PRELID2: variants seen among roughly 807,000 people sequenced by gnomAD.
PRELID2 encodes PRELI domain-containing protein 2.
In PRELID2, 25 loss-of-function variants were observed where a neutral mutation model predicts 28.4. The ratio of observed to expected loss-of-function variants is 0.88; its 90% CI spans 0.64 to 1.23. PRELID2 has a LOEUF of 1.23. Among genes scored for constraint, PRELID2 ranks in the 50% most tolerant of loss-of-function variants. The probability of loss-of-function intolerance (pLI) is 0.00; values close to 1 mark genes in which losing one functional copy is unlikely to be tolerated. For synonymous variants in PRELID2, 76 were observed against 71.6 expected, an observed-to-expected ratio of 1.06 and a Z score of -0.31; for missense variants, 201 against 214.4, an observed-to-expected ratio of 0.94 and a Z score of 0.39.
the PRELID2 span, among the ~76,000 whole-genome samples, chr5:145,316,539 C>G: frequency 6.6e-6 from 1 of 152,100 alleles, no homozygotes; most frequent in South Asian, 2.1e-4. Flanking sequence ...GAATAGAAAC[C>G]TGATGCAGAA....
At chr5:145,275,877 T>G in the PRELID2 span, among the ~76,000 whole-genome samples, 2 of 152,166 alleles carry the variant, frequency 1.3e-5, no homozygotes, top group Non-Finnish European at 2.9e-5. Context: ...TGTATCATCA[T>G]CCTCAACTCT....
At chr5:145,748,854 G>A (rs1757058796) in intron 1 of PRELID2, among the ~76,000 whole-genome samples, 1 of 152,072 alleles carries the variant, frequency 6.6e-6, no homozygotes, top group Admixed American at 6.5e-5. Context: ...TGACAAACCT[G>A]ACAAAAACAA....
the PRELID2 span, among the ~76,000 whole-genome samples, chr5:145,230,216 T>G: frequency 6.6e-6 from 1 of 152,092 alleles, no homozygotes; most frequent in Non-Finnish European, 1.5e-5. Context: ...CCAAAGCCTG[T>G]AAACATCATC....
At chr5:145,371,357 A>G in the PRELID2 span, among the ~76,000 whole-genome samples, 1 of 152,122 alleles carries the variant, frequency 6.6e-6, no homozygotes, top group Non-Finnish European at 1.5e-5. Flanking sequence ...TCTTTTCTGC[A>G]TCTATTGAGA....
chr5:145,433,821 G>A, the PRELID2 span, among the ~76,000 whole-genome samples: 1 of 152,110 alleles, frequency 6.6e-6, no homozygotes, highest in African/African-American at 2.4e-5. Context: ...TCTTCCTGCT[G>A]GTACTGTATC....
At chr5:145,489,367 T>C (rs1752248102) in intron 1 of PRELID2, among the ~76,000 whole-genome samples, 1 of 152,174 alleles carries the variant, frequency 6.6e-6, no homozygotes, top group African/African-American at 2.4e-5. Flanking sequence ...TCCATTTTAG[T>C]GATAGTAATA....
At chr5:145,485,379 A>G (rs1752207466) in intron 1 of PRELID2, among the ~76,000 whole-genome samples, 1 of 152,238 alleles carries the variant, frequency 6.6e-6, no homozygotes, top group Admixed American at 6.5e-5. Flanking sequence ...TCCAAGGAAC[A>G]TACAAAGAGA....
chr5:145,599,336 C>A (rs1753354829), intron 1 of PRELID2, among the ~76,000 whole-genome samples: 1 of 152,194 alleles, frequency 6.6e-6, no homozygotes, highest in Non-Finnish European at 1.5e-5. Context: ...GTTAAATCAG[C>A]AGAAAGAATA....
intron 2 of PRELID2, among the ~76,000 whole-genome samples, chr5:145,822,107 C>G (rs975549984): frequency 9.9e-5 from 15 of 152,140 alleles, no homozygotes; most frequent in African/African-American, 3.6e-4. Flanking sequence ...ACACAATGAA[C>G]AGTAGCATCT....
At chr5:145,751,647 C>T (rs1301091627), downstream of PRELID2, among the ~76,000 whole-genome samples, 5 of 152,156 alleles carry the variant, frequency 3.3e-5, no homozygotes, top group East Asian at 9.6e-4. Context: ...ATAAAAATAC[C>T]ATTTTTCCAC....
chr5:145,741,446 TATAA>T (rs530019076), intron 1 of PRELID2, among the ~76,000 whole-genome samples: 63 of 99,544 alleles, frequency 6.3e-4, no homozygotes, highest in South Asian at 1.7e-3. Context: ...AAAATTTATT[TATAA>T]ATAATTTATT....
the PRELID2 span, among the ~76,000 whole-genome samples, chr5:145,369,318 C>T: frequency 7.2e-5 from 11 of 152,050 alleles, no homozygotes; most frequent in African/African-American, 2.7e-4. Context: ...GTTTCCCTCA[C>T]TGTGTCCATG....
Position 145,724,790 on chromosome 5 carries a change from CTGGAG to C in PRELID2, n.70+40136_70+40140del, listed in dbSNP as rs547405111. 2.0e-5 allele frequency among the ~76,000 whole-genome samples: 3 copies of C among 148,530 alleles called. No individual in the cohort carries two copies. In the South Asian group the frequency reaches 6.4e-4, roughly 32 times the overall value. On this transcript the variant is annotated intron_variant and non_coding_transcript_variant, in intron 1 of 2. Transcript: ENST00000510259. The stretch of plus-strand genomic sequence containing the variant: ...ACAGGGTCTTGTTTTGTCACTCAGG[CTGGAG>C]TGAAGTGGCATGATCATGGTACACC...
At chr5:145,541,230 A>T (rs1752742182) in intron 1 of PRELID2, among the ~76,000 whole-genome samples, 3 of 152,262 alleles carry the variant, frequency 2.0e-5, no homozygotes, top group African/African-American at 7.2e-5. Flanking sequence ...TAATAAGGTG[A>T]TGTAATAGTG....
At chr5:145,248,247 G>A in the PRELID2 span, among the ~76,000 whole-genome samples, 1 of 152,040 alleles carries the variant, frequency 6.6e-6, no homozygotes, top group East Asian at 1.9e-4. Flanking sequence ...ATGGGGGAAA[G>A]AGGCCCTTGG....
At chr5:145,579,285 C>G (rs889189610) in intron 1 of PRELID2, among the ~76,000 whole-genome samples, 2 of 152,076 alleles carry the variant, frequency 1.3e-5, no homozygotes, top group African/African-American at 4.8e-5. Context: ...CATCAACATT[C>G]ATACATATAA....
intron 5 of PRELID2, among the ~76,000 whole-genome samples, chr5:145,789,191 A>G (rs1406529434): frequency 6.6e-6 from 1 of 152,212 alleles, no homozygotes; most frequent in Admixed American, 6.5e-5. Flanking sequence ...AAATAACCAC[A>G]GTAATCTTGA....
intron 1 of PRELID2, among the ~76,000 whole-genome samples, chr5:145,627,678 CTG>C (rs898618735): frequency 1.1e-4 from 17 of 152,138 alleles, no homozygotes; most frequent in African/African-American, 3.4e-4. Context: ...GTAGCAATTA[CTG>C]TTTGAAAACT....
At chr5:145,643,497 CT>C (rs1754143661) in intron 1 of PRELID2, among the ~76,000 whole-genome samples, 1 of 152,100 alleles carries the variant, frequency 6.6e-6, no homozygotes, top group Non-Finnish European at 1.5e-5. Context: ...ATTGGAATAC[CT>C]TTTATTTCTT....
Sources: allele counts gnomAD v4.1 joint callset (sites outside exome capture counted in the v4.1 genomes callset), GRCh38; gene constraint gnomAD v4.1.1; transcripts MANE v1.5; gene names NCBI Gene and HGNC (gene_info 2026-07-23, HGNC 2026-07-21).